DTNA: variants seen among roughly 807,000 people sequenced by gnomAD.
DTNA encodes dystrophin-related protein 3.
Under a neutral mutation model 100.7 loss-of-function variants are expected in DTNA, and 43 were observed. The ratio of observed to expected loss-of-function variants is 0.43; its 90% confidence interval spans 0.33 to 0.55. The LOEUF (loss-of-function observed/expected upper bound fraction) is 0.55, where lower values mean the gene tolerates loss of function less well. Among genes scored for constraint, DTNA ranks in the 20% least tolerant of loss-of-function variants. DTNA has a pLI of 0.04. For synonymous variants in DTNA, 349 were observed against 347.9 expected, an observed-to-expected ratio of 1.00 and a Z score of -0.04; for missense variants, 798 against 953.9, an observed-to-expected ratio of 0.84 and a Z score of 2.15.
intron 3 of DTNA, among the ~76,000 whole-genome samples, chr18:34,786,643 A>G (rs776907398): frequency 2.0e-5 from 3 of 152,120 alleles, no homozygotes; most frequent in Non-Finnish European, 2.9e-5. Context: ...ACAAAACCAC[A>G]CACAACACTG....
intron 1 of DTNA, among the ~76,000 whole-genome samples, chr18:34,553,737 A>T (rs538403608): frequency 6.6e-6 from 1 of 151,908 alleles, no homozygotes; most frequent in African/African-American, 2.4e-5. Context: ...CCATTGATCT[A>T]TATCTCTGTT....
At chr18:34,849,589 A>C (rs1279797024) in intron 14 of DTNA, among the ~76,000 whole-genome samples, 1 of 152,226 alleles carries the variant, frequency 6.6e-6, no homozygotes, top group Non-Finnish European at 1.5e-5. Context: ...TGCATAAACC[A>C]GCAATTACAA....
intron 1 of DTNA, among the ~76,000 whole-genome samples, chr18:34,641,175 AT>A (rs2059240603): frequency 6.6e-6 from 1 of 152,164 alleles, no homozygotes. Context: ...TTAACTATCT[AT>A]TGAATCATAG....
chr18:34,887,637 GTGCA>G, intron 22 of DTNA, 125 bp from the exon 23 acceptor site: 1 of 608,718 alleles, frequency 1.6e-6, no homozygotes, highest in Non-Finnish European at 2.1e-6. Flanking sequence ...GAGTGTGTGT[GTGCA>G]TGTGTGTGTG....
intron 20 of DTNA, among the ~76,000 whole-genome samples, chr18:34,880,596 T>G (rs2096863203): frequency 1.3e-5 from 2 of 152,256 alleles, no homozygotes; most frequent in South Asian, 2.1e-4. Context: ...TTCAGACTAG[T>G]CTATAAAAAT....
chr18:34,494,361 G>A lies in DTNA; in HGVS notation c.-2+847G>A, dbSNP rs904558340. On this transcript the variant is annotated intron_variant, in intron 1 of 19. Transcript: ENST00000283365. ...GGTGGGAGTGGGCTCCGGGCCCCGG[G>A]GACGGGGGGCGGCGGGGGCGGGTGG... Among the ~76,000 whole-genome samples, 14 of 151,254 alleles carry A rather than the reference G, an allele frequency of 9.3e-5. No individual in the cohort carries two copies. The South Asian group carries it at 1.3e-3, about 14-fold the overall frequency.
chr18:34,560,880 C>T (rs1461508871), intron 1 of DTNA, among the ~76,000 whole-genome samples: 2 of 152,092 alleles, frequency 1.3e-5, no homozygotes, highest in South Asian at 2.1e-4. Flanking sequence ...CGAGATCATG[C>T]CACTGCACTC....
intron 22 of DTNA, among the ~76,000 whole-genome samples, chr18:34,885,222 C>T (rs995489304): frequency 1.1e-4 from 16 of 152,066 alleles, no homozygotes; most frequent in East Asian, 3.8e-4. Context: ...TGTGCCTTAA[C>T]GAGTGAAAGC....
At chr18:34,720,197 A>C (rs2084987593) in intron 1 of DTNA, among the ~76,000 whole-genome samples, 1 of 152,280 alleles carries the variant, frequency 6.6e-6, no homozygotes, top group South Asian at 2.1e-4. Flanking sequence ...ACCAGACTCT[A>C]GAACAAAGTT....
intron 1 of DTNA, among the ~76,000 whole-genome samples, chr18:34,747,974 TTATTTTTTGACA>T (rs2091866620): frequency 1.3e-5 from 2 of 152,294 alleles, no homozygotes; most frequent in South Asian, 4.1e-4. Flanking sequence ...CCAATGTCTA[TTATTTTTTGACA>T]TTTTAATTAT....
intron 1 of DTNA, among the ~76,000 whole-genome samples, chr18:34,749,107 TG>T (rs2148003836): frequency 6.6e-6 from 1 of 152,326 alleles, no homozygotes; most frequent in South Asian, 2.1e-4. Flanking sequence ...GTTCTGGATT[TG>T]GTTCTCAGCT....
intron 1 of DTNA, among the ~76,000 whole-genome samples, chr18:34,510,674 C>T (rs2040988375): frequency 1.4e-5 from 2 of 147,766 alleles, no homozygotes; most frequent in Admixed American, 1.4e-4. Context: ...TCAAGGACCA[C>T]CTGCATCAGA....
intron 1 of DTNA, among the ~76,000 whole-genome samples, chr18:34,510,068 T>TG (rs1445106803): frequency 6.8e-4 from 59 of 86,494 alleles, no homozygotes; most frequent in African/African-American, 2.1e-3. Flanking sequence ...TGAGTGTAAT[T>TG]TTGTGTGTGT....
At chr18:34,870,885 A>G (rs2096758592) in intron 17 of DTNA, among the ~76,000 whole-genome samples, 1 of 152,202 alleles carries the variant, frequency 6.6e-6, no homozygotes, top group Non-Finnish European at 1.5e-5. Flanking sequence ...CTGCCTGAAC[A>G]GTCGGAATTA....
intron 13 of DTNA, among the ~76,000 whole-genome samples, chr18:34,841,166 C>T (rs776653507): frequency 6.6e-6 from 1 of 152,086 alleles, no homozygotes; most frequent in Non-Finnish European, 1.5e-5. Flanking sequence ...ACCTGACTCT[C>T]CCTTAGTCCC....
chr18:34,844,882 G>T (rs1486787616), intron 13 of DTNA, among the ~76,000 whole-genome samples: 2 of 152,092 alleles, frequency 1.3e-5, no homozygotes, highest in Non-Finnish European at 2.9e-5. Flanking sequence ...GAGTTTCCTG[G>T]AATGCCATTT....
Position 34,851,748 on chromosome 18 carries a change from C to A in DTNA, c.1435-83C>A, listed in dbSNP as rs73949013. 1.2e-3 allele frequency: 1,628 copies of A among 1,364,032 alleles called. 18 individuals carry two copies. In the African/African-American group the frequency reaches 0.021, roughly 18 times the overall value. 84.5% of individuals were successfully genotyped at this position (1,364,032 alleles called of 1,614,324 possible). ...ATAGAAATAATTCCCTCCTCCTTGT[C>A]TGCATATCTCATGACTCCTGCCTTC... On this transcript the variant is annotated intron_variant, in intron 14 of 22. Coordinates refer to ENST00000444659, the MANE Select transcript of DTNA (RefSeq NM_001386795.1).
At chr18:34,871,252 AC>A (rs2096762757) in intron 17 of DTNA, among the ~76,000 whole-genome samples, 1 of 152,220 alleles carries the variant, frequency 6.6e-6, no homozygotes, top group Non-Finnish European at 1.5e-5. Flanking sequence ...AAATCAAAAC[AC>A]TTCCTGGAAA....
At chr18:34,806,824 A>G (rs2095372139) in intron 5 of DTNA, among the ~76,000 whole-genome samples, 2 of 152,352 alleles carry the variant, frequency 1.3e-5, no homozygotes, top group South Asian at 2.1e-4. Flanking sequence ...CAGTAAAAGC[A>G]TGGTAGCTAA....
Sources: gnomAD v4.1 joint callset for allele counts (sites outside exome capture counted in the v4.1 genomes callset) on GRCh38, gnomAD v4.1.1 for gene constraint, MANE v1.5 for transcripts, NCBI Gene and HGNC (gene_info 2026-07-23, HGNC 2026-07-21) for gene names.